Variants in ATP10B observed in about 807,000 individuals in gnomAD.
ATP10B encodes the protein ATPase phospholipid transporting 10B (putative), also known as phospholipid-transporting ATPase VB.
Under a neutral mutation model 141.2 loss-of-function variants are expected in ATP10B, and 122 were observed. The observed-to-expected ratio is 0.86, with a 90% CI of 0.75 to 1.00. The LOEUF is 1.00. ATP10B is among the 50% of genes least tolerant of loss of function. The probability of loss-of-function intolerance (pLI) is 0.00; values close to 1 mark genes in which losing one functional copy is unlikely to be tolerated. For synonymous variants in ATP10B, 685 were observed against 692.0 expected, an observed-to-expected ratio of 0.99 and a Z score of 0.16; for missense variants, 1,876 against 1,825.3, an observed-to-expected ratio of 1.03 and a Z score of -0.51.
At chr5:160,592,974 C>T (rs530610730) in intron 22 of ATP10B, among the ~76,000 whole-genome samples, 8 of 152,366 alleles carry the variant, frequency 5.3e-5, no homozygotes, top group Admixed American at 5.2e-4. Context: ...GTAGGCTCCA[C>T]CTCTGGGGGC....
At chr5:160,730,721 A>C (rs1235793233) in intron 2 of ATP10B, among the ~76,000 whole-genome samples, 1 of 152,090 alleles carries the variant, frequency 6.6e-6, no homozygotes, top group African/African-American at 2.4e-5. Context: ...GTGTCTGTCC[A>C]GCTAGTACCC....
At chr5:160,639,467 C>G (rs992705205) in intron 10 of ATP10B, among the ~76,000 whole-genome samples, 2 of 152,114 alleles carry the variant, frequency 1.3e-5, no homozygotes, top group Admixed American at 1.3e-4. Context: ...GCAGGGAGAG[C>G]TACTGCTGCA....
At chr5:160,569,090 C>T (rs935674507) in intron 25 of ATP10B, among the ~76,000 whole-genome samples, 2 of 152,202 alleles carry the variant, frequency 1.3e-5, no homozygotes, top group Admixed American at 6.5e-5. Flanking sequence ...AATATCTGTA[C>T]TCCATCTGGC....
At chr5:160,844,450 G>T (rs1467395992) in intron 1 of ATP10B, among the ~76,000 whole-genome samples, 1 of 152,032 alleles carries the variant, frequency 6.6e-6, no homozygotes, top group Non-Finnish European at 1.5e-5. Flanking sequence ...AGCTCCCTTA[G>T]TGTCGTAGGA....
At chr5:160,924,362 T>C in the ATP10B span, among the ~76,000 whole-genome samples, 4 of 152,210 alleles carry the variant, frequency 2.6e-5, no homozygotes, top group African/African-American at 9.7e-5. Context: ...AGTTTCCTCT[T>C]CCTTAAAATA....
intron 2 of ATP10B, among the ~76,000 whole-genome samples, chr5:160,771,639 TC>T (rs1769911613): frequency 6.6e-6 from 1 of 151,856 alleles, no homozygotes; most frequent in African/African-American, 2.4e-5. Flanking sequence ...ACATAGTCTC[TC>T]CCCACTTTTT....
chr5:160,867,600 T>G, the ATP10B span, among the ~76,000 whole-genome samples: 4 of 152,140 alleles, frequency 2.6e-5, no homozygotes, highest in Non-Finnish European at 5.9e-5. Flanking sequence ...TAAGCATGTA[T>G]CCATATGATA....
At chr5:160,616,057 G>T in intron 16 of ATP10B, 93 bp from the exon 17 acceptor site, 3 of 1,400,800 alleles carry the variant, frequency 2.1e-6, no homozygotes, top group Non-Finnish European at 1.9e-6. Flanking sequence ...CTATTGGCCT[G>T]TTTGAACTTC....
chr5:160,849,538 T>A (rs1425323899), intron 1 of ATP10B, among the ~76,000 whole-genome samples: 3 of 152,014 alleles, frequency 2.0e-5, no homozygotes, highest in Non-Finnish European at 2.9e-5. Flanking sequence ...ATTAATATTC[T>A]TTCTCATCTG....
In ATP10B at chr5:160,690,907, G is replaced by A. The variant is rs116409726; in HGVS notation, c.-204-1964C>T. 9.6e-3 allele frequency among the ~76,000 whole-genome samples: 1,462 copies of A among 152,218 alleles called. 12 individuals are homozygous for A. The highest frequency in any genetic ancestry group is 0.016 in the Non-Finnish European group (1,065 of 68,002). On this transcript the variant is annotated intron_variant, in intron 3 of 25. Transcript: ENST00000327245. Reference sequence around the variant, plus strand: ...TTCTTCTACAAAGACACATGCACACGTATCTTTATTGCAGCACTCTTCACA... The same window carrying A: ...TTCTTCTACAAAGACACATGCACACATATCTTTATTGCAGCACTCTTCACA...
rs184792648 is a variant in ATP10B, at chr5:160,688,044, G to A, written c.31C>T (p.Arg11Trp). 3.5e-4 allele frequency: 568 copies of A among 1,613,452 alleles called. 5 individuals carry two copies. The East Asian group carries it at 9.3e-3, about 27-fold the overall frequency. Reference sequence around the variant, plus strand: ...CCATCTCTGACTCTCCACTGCCACCGATGCCACGATGAGTCCACTGAGAGG... The same window carrying A: ...CCATCTCTGACTCTCCACTGCCACCAATGCCACGATGAGTCCACTGAGAGG... MALSVDSSWH[R>W]WQWRVRDGFP... The change falls in exon 5 of 26, where the codon CGG (arginine) becomes TGG (tryptophan). Residue 11 changes from arginine (R) to tryptophan (W), a missense_variant. By Grantham distance (101) the Arg-to-Trp change is moderately radical. Coordinates refer to ENST00000327245, the MANE Select transcript of ATP10B (RefSeq NM_025153.3).
At chr5:160,685,987 TA>T in intron 6 of ATP10B, 91 bp downstream of exon 6, 1 of 1,014,660 alleles carries the variant, frequency 9.9e-7, no homozygotes, top group Non-Finnish European at 1.3e-6. Flanking sequence ...TTTAGGAAAA[TA>T]AAATCGAAGA....
chr5:160,889,995 G>T, the ATP10B span, among the ~76,000 whole-genome samples: 1 of 152,142 alleles, frequency 6.6e-6, no homozygotes, highest in African/African-American at 2.4e-5. Context: ...TTCTTTGGAA[G>T]ATTCATTTGC....
intron 9 of ATP10B, among the ~76,000 whole-genome samples, chr5:160,642,399 G>C (rs1407090983): frequency 6.6e-6 from 1 of 152,134 alleles, no homozygotes; most frequent in Non-Finnish European, 1.5e-5. Flanking sequence ...TTGACTCTGA[G>C]GCCCTGTTTT....
At chr5:160,724,280 CAG>C (rs1440917930) in intron 2 of ATP10B, among the ~76,000 whole-genome samples, 6 of 111,444 alleles carry the variant, frequency 5.4e-5, no homozygotes, top group South Asian at 3.0e-4. Context: ...TTTTTAGAGA[CAG>C]AGTCTTACTC....
chr5:160,911,377 A>G, the ATP10B span, among the ~76,000 whole-genome samples: 2 of 152,212 alleles, frequency 1.3e-5, no homozygotes, highest in African/African-American at 2.4e-5. Context: ...ATGAGCTTCA[A>G]TGGACCCAAA....
chr5:160,904,588 T>C, the ATP10B span, among the ~76,000 whole-genome samples: 1 of 152,202 alleles, frequency 6.6e-6, no homozygotes, highest in African/African-American at 2.4e-5. Context: ...TTGCAATACA[T>C]ATTTTAGGCA....
intron 1 of ATP10B, among the ~76,000 whole-genome samples, chr5:160,816,816 C>T (rs1460473971): frequency 6.6e-6 from 1 of 152,098 alleles, no homozygotes; most frequent in African/African-American, 2.4e-5. Flanking sequence ...GATCAAGTGG[C>T]CTTCATCCCT....
chr5:160,761,319 G>C (rs1450989548), intron 2 of ATP10B, among the ~76,000 whole-genome samples: 2 of 152,142 alleles, frequency 1.3e-5, no homozygotes, highest in Non-Finnish European at 2.9e-5. Flanking sequence ...AACTCCACTA[G>C]AGCAGGTGCT....
Sources: gnomAD v4.1 joint callset for allele counts (sites outside exome capture counted in the v4.1 genomes callset) on GRCh38, gnomAD v4.1.1 for gene constraint, MANE v1.5 for transcripts, NCBI Gene and HGNC (gene_info 2026-07-23, HGNC 2026-07-21) for gene names.